Variants in COL26A1 observed in about 807,000 individuals in gnomAD.
The protein encoded by COL26A1 is collagen type XXVI alpha 1 chain.
A neutral mutation model predicts 59.3 loss-of-function variants in COL26A1; 41 were observed. The ratio of observed to expected loss-of-function variants is 0.69; its 90% confidence interval spans 0.54 to 0.90. The LOEUF (loss-of-function observed/expected upper bound fraction) is 0.90, where lower values mean the gene tolerates loss of function less well. Ranked by LOEUF, COL26A1 falls within the 40% of genes least tolerant of loss-of-function variation. COL26A1 has a pLI of 0.00. For missense variants in COL26A1, 612 were observed against 602.3 expected (o/e 1.02, Z -0.17); for synonymous variants, 266 against 256.0 (o/e 1.04, Z -0.37).
chr7:101,471,369 G>T (rs1214429266), intron 3 of COL26A1, among the ~76,000 whole-genome samples: 1 of 152,148 alleles, frequency 6.6e-6, no homozygotes, highest in Non-Finnish European at 1.5e-5. Context: ...ACTCCCAATA[G>T]TGGGTTCTTG....
rs200510683 is a variant in COL26A1 at position 101,397,371 on chromosome 7, T to TC, written c.159-22605dup. On this transcript the variant is annotated intron_variant, in intron 1 of 12. Transcript: ENST00000313669. Reference sequence around the variant, plus strand: ...TCTTTTCCTTCCTTCCTTCCTTCCTTCTTCTTCATCTTCTTTCTTTTTTTT... The same window carrying TC: ...TCTTTTCCTTCCTTCCTTCCTTCCTTCCTTCTTCATCTTCTTTCTTTTTTTT... Among the ~76,000 whole-genome samples the TC allele has an allele frequency of 1.6e-3, 237 of 150,984 alleles. 1 individual carries two copies. In the East Asian group the frequency reaches 0.019, roughly 12 times the overall value.
At chr7:101,514,956 T>C (rs1181610555) in intron 3 of COL26A1, among the ~76,000 whole-genome samples, 1 of 152,246 alleles carries the variant, frequency 6.6e-6, no homozygotes, top group Non-Finnish European at 1.5e-5. Flanking sequence ...GGCCAGCCTC[T>C]GGTTGTCCCA....
chr7:101,365,300 A>G (rs1791017114), intron 1 of COL26A1, among the ~76,000 whole-genome samples: 1 of 152,204 alleles, frequency 6.6e-6, no homozygotes, highest in Non-Finnish European at 1.5e-5. Flanking sequence ...ATCTAGGTAG[A>G]TAAATGCCTG....
chr7:101,420,663 C>T (rs1249509328), intron 2 of COL26A1, among the ~76,000 whole-genome samples: 2 of 146,206 alleles, frequency 1.4e-5, no homozygotes. Context: ...TGCCCCTCAC[C>T]AGCTCTGCCC....
chr7:101,468,291 G>A (rs1221092738), intron 3 of COL26A1, among the ~76,000 whole-genome samples: 1 of 149,720 alleles, frequency 6.7e-6, no homozygotes, highest in Non-Finnish European at 1.5e-5. Flanking sequence ...AACAGAGCAA[G>A]ACTCAGTCTC....
intron 1 of COL26A1, among the ~76,000 whole-genome samples, chr7:101,364,784 G>C (rs1316009292): frequency 6.6e-6 from 1 of 151,792 alleles, no homozygotes; most frequent in African/African-American, 2.4e-5. Context: ...TACACATGCT[G>C]GTCTCAAACT....
chr7:101,432,874 G>T (rs1487504871), intron 2 of COL26A1, among the ~76,000 whole-genome samples: 1 of 151,920 alleles, frequency 6.6e-6, no homozygotes, highest in Non-Finnish European at 1.5e-5. Flanking sequence ...GGCTAATTTT[G>T]TATTTTTAGT....
intron 5 of COL26A1, 96 bp downstream of exon 5, chr7:101,540,145 C>T: frequency 8.0e-7 from 1 of 1,255,548 alleles, no homozygotes; most frequent in African/African-American, 1.5e-5. Flanking sequence ...ACACTAGACA[C>T]TCTAGTTCCA....
intron 1 of COL26A1, among the ~76,000 whole-genome samples, chr7:101,405,539 C>T (rs1382850657): frequency 6.6e-6 from 1 of 152,008 alleles, no homozygotes; most frequent in African/African-American, 2.4e-5. Flanking sequence ...AATGCTGGTC[C>T]TCCCTAAATC....
chr7:101,552,458 AT>A (rs1326086206), intron 10 of COL26A1, among the ~76,000 whole-genome samples: 9 of 152,144 alleles, frequency 5.9e-5, no homozygotes, highest in African/African-American at 2.2e-4. Flanking sequence ...CTATAAAAAT[AT>A]TAAAAAATTA....
At chr7:101,557,002 T>G (rs1795992574) in intron 12 of COL26A1, among the ~76,000 whole-genome samples, 1 of 41,446 alleles carries the variant, frequency 2.4e-5, no homozygotes, top group Non-Finnish European at 6.6e-5. Context: ...GGTGGATGGA[T>G]GGATGGATGG....
At chr7:101,414,347 A>G (rs1792319583) in intron 1 of COL26A1, among the ~76,000 whole-genome samples, 1 of 151,558 alleles carries the variant, frequency 6.6e-6, no homozygotes, top group South Asian at 2.1e-4. Context: ...GGCGGATCTC[A>G]GGATCCCACA....
Position 101,557,553 on chromosome 7 carries a change from C to A in COL26A1, c.*23C>A. ...TGAGAGCCCACTGCTCCAGGACACCCTGTCCTGGCTAGAGACCCAGCCCCA... is the reference window on the plus strand; with the variant it reads ...TGAGAGCCCACTGCTCCAGGACACCATGTCCTGGCTAGAGACCCAGCCCCA... On this transcript the variant is annotated 3_prime_UTR_variant, in exon 13 of 13. Coordinates refer to ENST00000313669, the MANE Select transcript of COL26A1 (RefSeq NM_001278563.3). The A allele has an allele frequency of 6.3e-7, 1 of 1,583,154 alleles. No individual in the cohort carries two copies. The highest frequency in any genetic ancestry group is 1.1e-5 in the South Asian group (1 of 88,940).
At position 101,545,426 on chromosome 7, in the gene COL26A1, A is replaced by G. The variant is rs773956830; in HGVS notation, c.792A>G (p.Pro264=). 1 of 1,608,148 alleles carries G rather than the reference A, an allele frequency of 6.2e-7. No homozygotes were observed. Among genetic ancestry groups the G allele is most frequent in the Non-Finnish European group, 8.5e-7 (1 of 1,177,936 alleles). Residue 264 remains proline, a synonymous_variant, in exon 7 of 13, where the codon CCA becomes CCG. Transcript: ENST00000313669. ...GACCACCCGGCCCAGCAGGCAACCCAGGCCCCTCACCAAACAGCCCCCAGG... is the reference window on the plus strand; with the variant it reads ...GACCACCCGGCCCAGCAGGCAACCCGGGCCCCTCACCAAACAGCCCCCAGG... ...PPGPPGPAGN[P]GPSPNSPQGA...
chr7:101,431,146 TTGTAGCACTA>T lies in COL26A1; in HGVS notation c.281+11051_281+11060del, dbSNP rs1341383905. Among the ~76,000 whole-genome samples, 4 of 152,224 alleles carry T rather than the reference TTGTAGCACTA, an allele frequency of 2.6e-5. No individual in the cohort carries two copies. The East Asian group carries it at 7.7e-4, about 29-fold the overall frequency. ...TTTCTTGCCTGTGTACTGGCTAGAC[TTGTAGCACTA>T]TGTTGAATAGGAGTGGTAAGTGTGG... On this transcript the variant is annotated intron_variant, in intron 2 of 12. Coordinates refer to ENST00000313669, the MANE Select transcript of COL26A1 (RefSeq NM_001278563.3).
Position 101,557,599 on chromosome 7 carries a change from T to G in COL26A1, c.*69T>G. Reference sequence around the variant, plus strand: ...CCCCAGAGGCCTGAGCCGCCGCTGTTTCCTAAAGATGCCCCCAGGGGAACT... The same window carrying G: ...CCCCAGAGGCCTGAGCCGCCGCTGTGTCCTAAAGATGCCCCCAGGGGAACT... On this transcript the variant is annotated 3_prime_UTR_variant, in exon 13 of 13. Coordinates refer to ENST00000313669, the MANE Select transcript of COL26A1 (RefSeq NM_001278563.3). 1.4e-6 allele frequency: 2 copies of G among 1,461,954 alleles called. No individual in the cohort carries two copies. Among genetic ancestry groups the G allele is most frequent in the Non-Finnish European group, 1.8e-6 (2 of 1,085,360 alleles). 90.6% of individuals were successfully genotyped at this position (1,461,954 alleles called of 1,614,324 possible).
At chr7:101,401,700 GAGT>G (rs1562963435) in intron 1 of COL26A1, among the ~76,000 whole-genome samples, 1 of 121,246 alleles carries the variant, frequency 8.2e-6, no homozygotes, top group East Asian at 2.0e-4. Context: ...GGAGGAGGAA[GAGT>G]AGGAGGTAGA....
chr7:101,430,580 T>G (rs1248334412), intron 2 of COL26A1, among the ~76,000 whole-genome samples: 1 of 151,816 alleles, frequency 6.6e-6, no homozygotes, highest in Non-Finnish European at 1.5e-5. Flanking sequence ...TGAGTCACCA[T>G]GTCCAGCCAG....
At chr7:101,506,710 A>G (rs1794819174) in intron 3 of COL26A1, among the ~76,000 whole-genome samples, 1 of 152,334 alleles carries the variant, frequency 6.6e-6, no homozygotes, top group East Asian at 1.9e-4. Flanking sequence ...CACGGTCCCT[A>G]AGGAGAGTGC....
Sources: gnomAD v4.1 joint callset for allele counts (sites outside exome capture counted in the v4.1 genomes callset) on GRCh38, gnomAD v4.1.1 for gene constraint, MANE v1.5 for transcripts, NCBI Gene and HGNC (gene_info 2026-07-23, HGNC 2026-07-21) for gene names.